The following SCAP variants were observed in gnomAD, a reference collection of about 807,000 sequenced individuals.
SCAP encodes the protein SREBF chaperone.
SCAP carries 65 observed loss-of-function variants against 123.6 expected under a neutral mutation model. That is an observed-to-expected ratio of 0.53 (90% confidence interval 0.43 to 0.65). The LOEUF is 0.65. Among genes scored for constraint, SCAP ranks in the 30% least tolerant of loss-of-function variants. The probability of loss-of-function intolerance (pLI) is 0.00; values close to 1 mark genes in which losing one functional copy is unlikely to be tolerated. For synonymous variants in SCAP, 740 were observed against 726.3 expected (o/e 1.02, Z -0.30); for missense variants, 1,398 against 1,712.5 (o/e 0.82, Z 3.24).
chr3:47,419,749 C>G lies in SCAP; in HGVS notation c.1564-45G>C, dbSNP rs763211255. ...ACTCAGTGGGAGGAATGGGCCCCAA[C>G]CCCCAGCAGCTTCAGCCCTCATGCT... On this transcript the variant is annotated intron_variant, in intron 12 of 22. Coordinates refer to ENST00000265565, the MANE Select transcript of SCAP (RefSeq NM_012235.4). This position sits in a 1 kb window ranked among gnomAD's most constrained non-coding sequence, Gnocchi z 5.0. 2.0e-6 allele frequency: 3 copies of G among 1,506,106 alleles called. No individual in the cohort carries two copies. The highest frequency in any genetic ancestry group is 2.7e-5 in the South Asian group (2 of 73,760). 93.3% of individuals were successfully genotyped at this position (1,506,106 alleles called of 1,614,324 possible).
intron 2 of SCAP, among the ~76,000 whole-genome samples, chr3:47,442,153 C>A (rs992943529): frequency 6.6e-6 from 1 of 152,152 alleles, no homozygotes; most frequent in Admixed American, 6.6e-5. Context: ...ATCTGAAGAA[C>A]AGAATTCTTT....
chr3:47,444,557 C>T (rs1022168297), intron 1 of SCAP, among the ~76,000 whole-genome samples: 1 of 151,484 alleles, frequency 6.6e-6, no homozygotes, highest in African/African-American at 2.4e-5. Flanking sequence ...TCACTGCAAC[C>T]TCTGCCTCCC....
chr3:47,422,738 C>T (rs1407849427), intron 9 of SCAP: 13 of 498,968 alleles, frequency 2.6e-5, no homozygotes, highest in East Asian at 9.6e-5. Context: ...ACAGCTGCTA[C>T]GGGGAACGGG....
intron 18 of SCAP, 150 bp from the exon 19 acceptor site, chr3:47,415,330 G>C (rs574424909): frequency 1.6e-6 from 1 of 638,434 alleles, no homozygotes; most frequent in Admixed American, 3.5e-5. Flanking sequence ...ACAGATGCTG[G>C]AGCCAGAGGG....
At chr3:47,446,900 C>A (rs1707065713) in intron 1 of SCAP, among the ~76,000 whole-genome samples, 1 of 152,094 alleles carries the variant, frequency 6.6e-6, no homozygotes, top group African/African-American at 2.4e-5. Flanking sequence ...GCTATGACCA[C>A]ACCATTGCAC....
At chr3:47,443,413 AACAGAC>A (rs1706900696) in intron 1 of SCAP, 1 of 186,676 alleles carries the variant, frequency 5.4e-6, no homozygotes, top group Non-Finnish European at 1.1e-5. Context: ...ATGCCTGTGT[AACAGAC>A]GTCACCTTCA....
chr3:47,421,209 T>C (rs911925900), intron 10 of SCAP, 180 bp from the exon 11 acceptor site: 13 of 628,852 alleles, frequency 2.1e-5, no homozygotes, highest in Non-Finnish European at 3.5e-5. Flanking sequence ...TCACCCCGTC[T>C]CCACCAGGGG....
intron 18 of SCAP, among the ~76,000 whole-genome samples, chr3:47,415,712 A>G (rs1399934405): frequency 2.0e-5 from 3 of 152,178 alleles, no homozygotes; most frequent in Admixed American, 1.3e-4. Flanking sequence ...AGGGATGGGT[A>G]TATTTGCCCA....
intron 4 of SCAP, 75 bp from the exon 5 acceptor site, chr3:47,427,742 CTCTG>C (rs1472997039): frequency 3.1e-6 from 4 of 1,308,876 alleles, no homozygotes; most frequent in African/African-American, 1.5e-5. Context: ...AGGGGACATC[CTCTG>C]TCTGTTCTTC....
intron 2 of SCAP, among the ~76,000 whole-genome samples, chr3:47,438,446 T>C (rs1169641604): frequency 6.6e-6 from 1 of 152,212 alleles, no homozygotes; most frequent in Admixed American, 6.5e-5. Flanking sequence ...AGAATTCATT[T>C]AGGGCTGCTC....
At chr3:47,473,730 C>T (rs1378912838) in intron 1 of SCAP, among the ~76,000 whole-genome samples, 1 of 152,194 alleles carries the variant, frequency 6.6e-6, no homozygotes, top group African/African-American at 2.4e-5. Context: ...AAGTCTACCA[C>T]CAAATGTTAA....
At chr3:47,430,482 G>T (rs947532347) in intron 3 of SCAP, among the ~76,000 whole-genome samples, 1 of 152,224 alleles carries the variant, frequency 6.6e-6, no homozygotes, top group Non-Finnish European at 1.5e-5. Context: ...GGTAGGAGAG[G>T]AGCAGGAGGG....
intron 1 of SCAP, among the ~76,000 whole-genome samples, chr3:47,460,882 G>A (rs999150280): frequency 1.3e-5 from 2 of 152,142 alleles, no homozygotes; most frequent in Non-Finnish European, 2.9e-5. Context: ...ACGTTGCATG[G>A]AAGAGGGTTC....
chr3:47,468,867 T>G (rs1393824161), intron 1 of SCAP, among the ~76,000 whole-genome samples: 1 of 152,204 alleles, frequency 6.6e-6, no homozygotes, highest in East Asian at 1.9e-4. Context: ...AACATTTAAG[T>G]CTTTAATCCA....
Position 47,427,673 on chromosome 3 carries a change from C to G in SCAP, c.411-6G>C. 1 of 1,612,822 alleles carries G rather than the reference C, an allele frequency of 6.2e-7. No homozygotes were observed. Among genetic ancestry groups the G allele is most frequent in the Admixed American group, 1.7e-5 (1 of 59,890 alleles). On this transcript the variant is annotated splice_region_variant and splice_polypyrimidine_tract_variant and intron_variant, in intron 4 of 22. Transcript: ENST00000265565. ...CCAAGCTCCTGATCCCAGAGCTGCA[C>G]AGGAGACAGGACAAGGCACCTGCTG...
intron 4 of SCAP, among the ~76,000 whole-genome samples, chr3:47,427,938 C>G (rs1381251761): frequency 6.6e-6 from 1 of 152,164 alleles, no homozygotes; most frequent in Admixed American, 6.5e-5. Flanking sequence ...ATGCACAACC[C>G]CACCCACTAA....
chr3:47,420,444 C>T lies in SCAP; in HGVS notation c.1563+110G>A. The T allele has an allele frequency of 9.9e-7, 1 of 1,009,680 alleles. No individual in the cohort carries two copies. The highest frequency in any genetic ancestry group is 1.4e-6 in the Non-Finnish European group (1 of 708,434). The allele number at this position is 1,009,680 out of a possible 1,614,324, so 62.5% of individuals were successfully genotyped here. ...CCAGAGCCAGGCTTCCAGGGGCCAC[C>T]AGGGCCTGAGGAATACCCTTTGCCA... On this transcript the variant is annotated intron_variant, in intron 12 of 22. Coordinates refer to ENST00000265565, the MANE Select transcript of SCAP (RefSeq NM_012235.4). This position sits in a 1 kb window ranked among gnomAD's most constrained non-coding sequence, Gnocchi z 5.0.
At chr3:47,415,043 C>T (rs748902289) in intron 19 of SCAP, 50 bp from the exon 20 acceptor site, 19 of 1,578,662 alleles carry the variant, frequency 1.2e-5, no homozygotes, top group East Asian at 4.5e-5. Context: ...AATGGGTAGA[C>T]GGCCCCTGCC....
chr3:47,436,409 G>T (rs917585242), intron 2 of SCAP, among the ~76,000 whole-genome samples: 2 of 152,196 alleles, frequency 1.3e-5, no homozygotes, highest in Non-Finnish European at 2.9e-5. Context: ...CAAGCGGGCG[G>T]ATCATTTGAG....
Sources: gnomAD v4.1 joint callset for allele counts (sites outside exome capture counted in the v4.1 genomes callset) on GRCh38, gnomAD v4.1.1 for gene constraint, Gnocchi (gnomAD v3.1) non-coding constraint, MANE v1.5 for transcripts, NCBI Gene and HGNC (gene_info 2026-07-23, HGNC 2026-07-21) for gene names.